The following CSMD1 variants were observed in gnomAD, a reference collection of about 807,000 sequenced individuals.
CSMD1 encodes CUB and Sushi multiple domains 1.
Under a neutral mutation model 417.5 loss-of-function variants are expected in CSMD1, and 213 were observed. The observed-to-expected ratio is 0.51, with a 90% confidence interval of 0.46 to 0.57. The LOEUF is 0.57. Among genes scored for constraint, CSMD1 ranks in the 20% least tolerant of loss-of-function variants. CSMD1 has a pLI of 0.00. For missense variants in CSMD1, 6,923 were observed against 4,529.7 expected (o/e 1.53, Z -15.17); for synonymous variants, 2,862 against 1,736.8 (o/e 1.65, Z -16.11).
rs117176952 is a variant in CSMD1 at position 3,206,296 on chromosome 8, T to C, written c.4868-676A>G. 4.5e-4 allele frequency among the ~76,000 whole-genome samples: 61 copies of C among 135,204 alleles called. No homozygotes were observed. In the East Asian group the frequency reaches 0.011, roughly 25 times the overall value. The allele number at this position is 135,204 out of a possible 152,430, so 88.7% of individuals were successfully genotyped here. On this transcript the variant is annotated intron_variant, in intron 30 of 69. Coordinates refer to ENST00000635120, the MANE Select transcript of CSMD1 (RefSeq NM_033225.6). ...ATGTCTCTGTGTGTATGTGTGTGTG[T>C]GGGGTGTGTGTGTATCTGTGTGTGT...
At chr8:3,630,867 T>A (rs183309390) in intron 7 of CSMD1, among the ~76,000 whole-genome samples, 1 of 152,098 alleles carries the variant, frequency 6.6e-6, no homozygotes, top group Non-Finnish European at 1.5e-5. Flanking sequence ...GAAACCTCAG[T>A]TGGTCTGTTG....
intron 27 of CSMD1, among the ~76,000 whole-genome samples, chr8:3,225,694 A>G (rs1162431509): frequency 6.6e-6 from 1 of 152,122 alleles, no homozygotes; most frequent in Non-Finnish European, 1.5e-5. Context: ...CAAAGGGGAA[A>G]CCCTGTCTTA....
chr8:4,335,894 C>A (rs575950649), intron 3 of CSMD1, among the ~76,000 whole-genome samples: 1 of 152,156 alleles, frequency 6.6e-6, no homozygotes, highest in East Asian at 1.9e-4. Context: ...ACCTCCAGGG[C>A]TTCCTGCAAT....
chr8:4,060,950 G>C (rs538245515), intron 3 of CSMD1, among the ~76,000 whole-genome samples: 2 of 152,308 alleles, frequency 1.3e-5, no homozygotes, highest in Non-Finnish European at 2.9e-5. Context: ...GCTTCTCATT[G>C]AAAGTGTGGA....
chr8:4,760,945 G>T (rs1585055954), intron 1 of CSMD1, among the ~76,000 whole-genome samples: 1 of 152,020 alleles, frequency 6.6e-6, no homozygotes, highest in African/African-American at 2.4e-5. Flanking sequence ...ATAATTTATT[G>T]ACTTATTTCA....
chr8:3,179,451 T>C (rs942976622), intron 37 of CSMD1, among the ~76,000 whole-genome samples: 2 of 152,216 alleles, frequency 1.3e-5, no homozygotes, highest in African/African-American at 4.8e-5. Context: ...ATTCTCAAAG[T>C]TCATCTGAAT....
At chr8:4,833,605 G>T (rs1363393944) in intron 1 of CSMD1, among the ~76,000 whole-genome samples, 1 of 152,196 alleles carries the variant, frequency 6.6e-6, no homozygotes. Flanking sequence ...ATTTTTGAAA[G>T]CAAGGACTTT....
At chr8:3,113,118 C>G (rs1339838262) in intron 42 of CSMD1, 1 of 152,286 alleles carries the variant, frequency 6.6e-6, no homozygotes, top group African/African-American at 2.4e-5. Context: ...CCCTGCCTTC[C>G]TTTCCCTGAA....
At chr8:3,576,916 A>G (rs1800174022) in intron 9 of CSMD1, among the ~76,000 whole-genome samples, 1 of 152,254 alleles carries the variant, frequency 6.6e-6, no homozygotes, top group Non-Finnish European at 1.5e-5. Flanking sequence ...ACACTTCATA[A>G]TTAACAGCTG....
chr8:4,812,911 G>C (rs181537673), intron 1 of CSMD1, among the ~76,000 whole-genome samples: 1 of 152,054 alleles, frequency 6.6e-6, no homozygotes. Flanking sequence ...GCTTGTATCA[G>C]TTTATAGCAA....
At chr8:4,263,189 C>G (rs1804003091) in intron 3 of CSMD1, among the ~76,000 whole-genome samples, 1 of 150,164 alleles carries the variant, frequency 6.7e-6, no homozygotes. Flanking sequence ...TATTCTAGTG[C>G]CGTGTATTCT....
At position 3,833,630 on chromosome 8, in the gene CSMD1, T is replaced by G. The variant is rs140325198; in HGVS notation, c.819-79588A>C. 6.7e-3 allele frequency among the ~76,000 whole-genome samples: 1,016 copies of G among 152,234 alleles called. 13 individuals are homozygous for G. Among genetic ancestry groups the G allele is most frequent in the African/African-American group, 0.023 (968 of 41,554 alleles). ...ATAATTTCTTTAAAACACATGGAAG[T>G]GTCTCTCACAGGATGGTGTTTGTAT... is the stretch of plus-strand genomic sequence containing the variant. On this transcript the variant is annotated intron_variant, in intron 5 of 69. Transcript: ENST00000635120.
Position 3,815,507 on chromosome 8 carries a change from CTA to C in CSMD1, c.819-61467_819-61466del, listed in dbSNP as rs60691658. 5.3e-5 allele frequency among the ~76,000 whole-genome samples: 8 copies of C among 151,534 alleles called. No individual in the cohort carries two copies. The East Asian group carries it at 7.9e-4, about 15-fold the overall frequency. ...GTTAAACTCAAAAATATGTGTAAGA[CTA>C]TGTTTAAACAAGATATCAAACAAAA... is the stretch of plus-strand genomic sequence containing the variant. On this transcript the variant is annotated intron_variant, in intron 5 of 69. Coordinates refer to ENST00000635120, the MANE Select transcript of CSMD1 (RefSeq NM_033225.6).
intron 1 of CSMD1, among the ~76,000 whole-genome samples, chr8:4,638,553 A>G (rs1263081569): frequency 6.6e-6 from 1 of 152,214 alleles, no homozygotes; most frequent in Non-Finnish European, 1.5e-5. Flanking sequence ...CACAGGCAGG[A>G]CTTAGGAGGT....
intron 3 of CSMD1, among the ~76,000 whole-genome samples, chr8:4,175,803 C>A (rs1351757396): frequency 6.6e-6 from 1 of 152,054 alleles, no homozygotes; most frequent in Non-Finnish European, 1.5e-5. Context: ...CATGGCAATA[C>A]AACAGCATAT....
rs568892756 is a variant in CSMD1 at position 4,694,344 on chromosome 8, C to A, written c.86-56786G>T. On this transcript the variant is annotated intron_variant, in intron 1 of 69. Transcript: ENST00000635120. ...GACCAAACCAAAAACCAAAGTACTTCTTTTTTTTATTTTTTTTATTTTTTT... is the reference window on the plus strand; with the variant it reads ...GACCAAACCAAAAACCAAAGTACTTATTTTTTTTATTTTTTTTATTTTTTT... Among the ~76,000 whole-genome samples the A allele has an allele frequency of 1.4e-4, 21 of 151,982 alleles. No homozygotes were observed. In the East Asian group the frequency reaches 3.7e-3, roughly 27 times the overall value.
At chr8:4,064,274 TATC>T (rs1563074924) in intron 3 of CSMD1, among the ~76,000 whole-genome samples, 1 of 152,184 alleles carries the variant, frequency 6.6e-6, no homozygotes, top group Non-Finnish European at 1.5e-5. Flanking sequence ...TTCCCTTTTT[TATC>T]GTACCATATT....
At chr8:3,481,649 C>T (rs1424025053) in intron 11 of CSMD1, among the ~76,000 whole-genome samples, 1 of 152,148 alleles carries the variant, frequency 6.6e-6, no homozygotes, top group East Asian at 1.9e-4. Flanking sequence ...GCCCTAAATG[C>T]CACCACTAGT....
At chr8:4,292,353 C>T (rs939802786) in intron 3 of CSMD1, among the ~76,000 whole-genome samples, 3 of 151,946 alleles carry the variant, frequency 2.0e-5, no homozygotes, top group African/African-American at 2.4e-5. Context: ...CCGGGGTTCA[C>T]GCCTTTCTCC....
Sources: gnomAD v4.1 joint callset for allele counts (sites outside exome capture counted in the v4.1 genomes callset) on GRCh38, gnomAD v4.1.1 for gene constraint, MANE v1.5 for transcripts, NCBI Gene and HGNC (gene_info 2026-07-23, HGNC 2026-07-21) for gene names.